Variants in ZHX2 observed in about 807,000 individuals in gnomAD.
ZHX2 encodes zinc fingers and homeoboxes 2.
ZHX2 carries 6 observed loss-of-function variants against 21.9 expected under a neutral mutation model. The ratio of observed to expected loss-of-function variants is 0.27; its 90% CI spans 0.15 to 0.54. The LOEUF (loss-of-function observed/expected upper bound fraction) is 0.54. Among genes scored for constraint, ZHX2 ranks in the 20% least tolerant of loss-of-function variants. ZHX2 has a pLI of 0.95. For synonymous variants in ZHX2, 434 were observed against 437.1 expected, an observed-to-expected ratio of 0.99 and a Z score of 0.09; for missense variants, 908 against 1,090.7, an observed-to-expected ratio of 0.83 and a Z score of 2.36.
At chr8:122,945,055 C>A (rs1009963581) in intron 2 of ZHX2, among the ~76,000 whole-genome samples, 1 of 152,136 alleles carries the variant, frequency 6.6e-6, no homozygotes, top group Non-Finnish European at 1.5e-5. Flanking sequence ...ACCTGAAGAA[C>A]CCAACCCTGC....
At chr8:122,864,962 G>C (rs1336214608) in intron 2 of ZHX2, among the ~76,000 whole-genome samples, 1 of 152,168 alleles carries the variant, frequency 6.6e-6, no homozygotes, top group Admixed American at 6.5e-5. Context: ...TGAGGGCAGG[G>C]CTCTGTGGGA....
intron 2 of ZHX2, among the ~76,000 whole-genome samples, chr8:122,940,010 A>T (rs960162378): frequency 2.6e-5 from 4 of 152,222 alleles, no homozygotes; most frequent in African/African-American, 7.2e-5. Flanking sequence ...CCAGTTCTGC[A>T]GGTGAAGGTT....
At chr8:122,840,425 T>C (rs1357118187) in intron 1 of ZHX2, among the ~76,000 whole-genome samples, 1 of 152,176 alleles carries the variant, frequency 6.6e-6, no homozygotes, top group Non-Finnish European at 1.5e-5. Context: ...TGTGCATCAA[T>C]TTGCCCAACT....
chr8:122,834,735 C>T (rs1818458738), intron 1 of ZHX2, among the ~76,000 whole-genome samples: 1 of 152,114 alleles, frequency 6.6e-6, no homozygotes, highest in Non-Finnish European at 1.5e-5. Flanking sequence ...TCTGGGCTAG[C>T]TGGGTCTAGG....
At chr8:122,888,682 C>T (rs1219179631) in intron 2 of ZHX2, among the ~76,000 whole-genome samples, 2 of 152,156 alleles carry the variant, frequency 1.3e-5, no homozygotes, top group Non-Finnish European at 2.9e-5. Context: ...AGGGTTTCAC[C>T]ATGTTGGTCA....
intron 1 of ZHX2, among the ~76,000 whole-genome samples, chr8:122,808,201 T>C (rs1270405399): frequency 6.6e-6 from 1 of 152,256 alleles, no homozygotes; most frequent in Non-Finnish European, 1.5e-5. Flanking sequence ...GATTTATATA[T>C]ATGTATGCCT....
At chr8:122,971,089 C>A (rs1236749267) in intron 3 of ZHX2, among the ~76,000 whole-genome samples, 1 of 152,144 alleles carries the variant, frequency 6.6e-6, no homozygotes, top group African/African-American at 2.4e-5. Flanking sequence ...CATTTCTTCG[C>A]TATGAAGTGG....
intron 2 of ZHX2, among the ~76,000 whole-genome samples, chr8:122,865,535 T>C (rs987462010): frequency 1.3e-5 from 2 of 152,128 alleles, no homozygotes; most frequent in Non-Finnish European, 2.9e-5. Context: ...TTGTCAAATA[T>C]AGTGATGAGG....
intron 2 of ZHX2, among the ~76,000 whole-genome samples, chr8:122,916,144 G>A (rs1457388182): frequency 6.6e-6 from 1 of 152,214 alleles, no homozygotes. Context: ...CATCCGCCTG[G>A]CTCTTTTATG....
chr8:122,938,849 AAGAAGG>A (rs1370359079), intron 2 of ZHX2, among the ~76,000 whole-genome samples: 1 of 152,112 alleles, frequency 6.6e-6, no homozygotes, highest in Non-Finnish European at 1.5e-5. Flanking sequence ...AAAAAAGAAA[AAGAAGG>A]AGAAGAAGAA....
At chr8:122,807,350 T>C (rs1267075439) in intron 1 of ZHX2, among the ~76,000 whole-genome samples, 3 of 152,220 alleles carry the variant, frequency 2.0e-5, no homozygotes, top group Non-Finnish European at 2.9e-5. Context: ...TAATATTACA[T>C]ATTTGTTGAC....
At chr8:122,937,935 T>TTTTTG (rs1812745568) in intron 2 of ZHX2, among the ~76,000 whole-genome samples, 1 of 113,744 alleles carries the variant, frequency 8.8e-6, no homozygotes, top group Non-Finnish European at 1.8e-5. Flanking sequence ...TCTTTTTGGT[T>TTTTTG]TTTTTTTTTT....
chr8:122,953,779 A>G lies in ZHX2; in HGVS notation c.2269A>G (p.Lys757Glu), dbSNP rs745391684. ...TRVKVGSEPA[K>E]DCLPAKPSEA... ...GGTAAAAGTAGGCAGCGAGCCAGCAAAAGACTGTTTGCCAGCAAAGCCCTC... is the reference window on the plus strand; with the variant it reads ...GGTAAAAGTAGGCAGCGAGCCAGCAGAAGACTGTTTGCCAGCAAAGCCCTC... The change falls in exon 3 of 4, where the codon AAA (lysine) becomes GAA (glutamate). Residue 757 changes from lysine (K) to glutamate (E), a missense_variant. Coordinates refer to ENST00000314393, the MANE Select transcript of ZHX2 (RefSeq NM_014943.5). This position sits in a 1 kb window ranked among gnomAD's most constrained non-coding sequence, Gnocchi z 4.6. The G allele has an allele frequency of 5.0e-6, 8 of 1,614,264 alleles. No individual in the cohort carries two copies. Among genetic ancestry groups the G allele is most frequent in the South Asian group, 1.1e-5 (1 of 91,082 alleles).
intron 2 of ZHX2, among the ~76,000 whole-genome samples, chr8:122,880,548 G>A (rs117815681): frequency 0.027 from 4,140 of 152,060 alleles, 88 homozygotes; most frequent in Non-Finnish European, 0.042. Context: ...GCCAAGACAG[G>A]TAGATCACCT....
chr8:122,796,243 G>T (rs1027000240), intron 1 of ZHX2, among the ~76,000 whole-genome samples: 4 of 151,656 alleles, frequency 2.6e-5, no homozygotes, highest in African/African-American at 9.7e-5. Flanking sequence ...CCCCACTAGA[G>T]TTTAAGATTT....
chr8:122,840,469 A>T (rs1818599854), intron 1 of ZHX2, among the ~76,000 whole-genome samples: 1 of 152,246 alleles, frequency 6.6e-6, no homozygotes, highest in African/African-American at 2.4e-5. Flanking sequence ...TCTACCTTAA[A>T]GGGCCGTTGT....
At chr8:122,960,454 C>T (rs923442463) in intron 3 of ZHX2, among the ~76,000 whole-genome samples, 8 of 152,124 alleles carry the variant, frequency 5.3e-5, no homozygotes, top group African/African-American at 1.9e-4. Context: ...AGGAGAATCG[C>T]TTGAACCCAG....
chr8:122,898,277 G>A (rs967523449), intron 2 of ZHX2, among the ~76,000 whole-genome samples: 1 of 152,106 alleles, frequency 6.6e-6, no homozygotes, highest in Admixed American at 6.6e-5. Flanking sequence ...AAAGAAATTG[G>A]GGATGAGGAA....
chr8:122,849,770 G>A (rs144580840), intron 1 of ZHX2, among the ~76,000 whole-genome samples: 1 of 152,238 alleles, frequency 6.6e-6, no homozygotes, highest in East Asian at 1.9e-4. Context: ...TGAGGACTAG[G>A]ACATGGACAT....
Sources: allele counts gnomAD v4.1 joint callset (sites outside exome capture counted in the v4.1 genomes callset), GRCh38; gene constraint gnomAD v4.1.1; non-coding constraint Gnocchi (gnomAD v3.1); transcripts MANE v1.5; gene names NCBI Gene and HGNC (gene_info 2026-07-23, HGNC 2026-07-21).